DIAPH3: variants seen among roughly 807,000 people sequenced by gnomAD.
DIAPH3 encodes the protein protein diaphanous homolog 3.
DIAPH3 carries 117 observed loss-of-function variants against 144.3 expected under a neutral mutation model. The observed-to-expected ratio is 0.81, with a 90% CI of 0.70 to 0.95. The LOEUF (loss-of-function observed/expected upper bound fraction) is 0.95, where lower values mean the gene tolerates loss of function less well. Ranked by LOEUF, DIAPH3 falls within the 40% of genes least tolerant of loss-of-function variation. The probability of loss-of-function intolerance (pLI) is 0.00; values close to 1 mark genes in which losing one functional copy is unlikely to be tolerated. For missense variants in DIAPH3, 1,421 were observed against 1,412.7 expected (o/e 1.01, Z -0.09); for synonymous variants, 519 against 488.9 (o/e 1.06, Z -0.81).
At chr13:60,032,314 G>T (rs1329943957) in intron 5 of DIAPH3, among the ~76,000 whole-genome samples, 1 of 152,202 alleles carries the variant, frequency 6.6e-6, no homozygotes, top group Non-Finnish European at 1.5e-5. Flanking sequence ...TCTGTAAGTG[G>T]TCCAACCCCA....
chr13:60,074,117 G>A (rs993420499), intron 4 of DIAPH3, among the ~76,000 whole-genome samples: 4 of 152,148 alleles, frequency 2.6e-5, no homozygotes, highest in African/African-American at 4.8e-5. Context: ...AGATGCTGAC[G>A]ACAATCCAGG....
chr13:59,702,947 G>A (rs956348680), intron 27 of DIAPH3, among the ~76,000 whole-genome samples: 3 of 152,060 alleles, frequency 2.0e-5, no homozygotes, highest in African/African-American at 7.3e-5. Context: ...TACCCTGTGG[G>A]GAAGCCTGCC....
chr13:60,039,041 G>A (rs2055438227), intron 5 of DIAPH3, among the ~76,000 whole-genome samples: 1 of 151,630 alleles, frequency 6.6e-6, no homozygotes, highest in Non-Finnish European at 1.5e-5. Context: ...GCTCAAAACT[G>A]TCACCGAGAA....
chr13:59,833,875 T>C (rs1356909520), intron 23 of DIAPH3, among the ~76,000 whole-genome samples: 1 of 151,554 alleles, frequency 6.6e-6, no homozygotes, highest in African/African-American at 2.4e-5. Flanking sequence ...ACAAAAATAC[T>C]TGTTATCATC....
At chr13:60,155,175 CAA>C (rs1405877965) in intron 1 of DIAPH3, among the ~76,000 whole-genome samples, 2 of 152,162 alleles carry the variant, frequency 1.3e-5, no homozygotes, top group Non-Finnish European at 2.9e-5. Context: ...GCAATTGCTA[CAA>C]GATAGACTAG....
chr13:59,690,221 C>T (rs2033435203), intron 27 of DIAPH3, among the ~76,000 whole-genome samples: 1 of 152,106 alleles, frequency 6.6e-6, no homozygotes, highest in Non-Finnish European at 1.5e-5. Flanking sequence ...TGATACACTG[C>T]ATTTTTATAG....
At chr13:59,688,301 C>T (rs944568353) in intron 27 of DIAPH3, among the ~76,000 whole-genome samples, 1 of 151,774 alleles carries the variant, frequency 6.6e-6, no homozygotes, top group Non-Finnish European at 1.5e-5. Context: ...TATTCTTTCC[C>T]CAAACATATT....
chr13:59,834,202 T>C (rs1414594839), intron 23 of DIAPH3, among the ~76,000 whole-genome samples: 3 of 151,692 alleles, frequency 2.0e-5, no homozygotes, highest in Non-Finnish European at 4.4e-5. Context: ...TTTTTTCTTG[T>C]GTGGCAAATT....
chr13:59,802,484 A>G (rs182316187), intron 25 of DIAPH3, among the ~76,000 whole-genome samples: 113 of 150,174 alleles, frequency 7.5e-4, no homozygotes, highest in African/African-American at 2.6e-3. Flanking sequence ...AATTTTATCA[A>G]AATAACAATA....
intron 9 of DIAPH3, among the ~76,000 whole-genome samples, chr13:60,002,576 C>T (rs1189800779): frequency 6.6e-6 from 1 of 152,212 alleles, no homozygotes; most frequent in Non-Finnish European, 1.5e-5. Flanking sequence ...AGAACTATGA[C>T]AGACTAACAT....
At chr13:59,874,036 T>C (rs1023815180) in intron 21 of DIAPH3, among the ~76,000 whole-genome samples, 2 of 152,190 alleles carry the variant, frequency 1.3e-5, no homozygotes, top group African/African-American at 4.8e-5. Context: ...TGGTGTTGGT[T>C]AATTTTCATT....
intron 14 of DIAPH3, among the ~76,000 whole-genome samples, chr13:59,978,382 C>T (rs768565760): frequency 1.2e-4 from 18 of 151,598 alleles, no homozygotes; most frequent in East Asian, 3.9e-4. Flanking sequence ...AAAAAAATTA[C>T]GTTCTTATGA....
intron 25 of DIAPH3, among the ~76,000 whole-genome samples, chr13:59,801,174 G>A (rs1021837364): frequency 1.3e-5 from 2 of 152,142 alleles, no homozygotes; most frequent in African/African-American, 4.8e-5. Context: ...CTGAAATGCA[G>A]CAAAAAGACT....
chr13:59,771,505 G>C lies in DIAPH3; in HGVS notation c.3319+2684C>G, dbSNP rs952526809. Among the ~76,000 whole-genome samples, 56 of 144,292 alleles carry C rather than the reference G, an allele frequency of 3.9e-4. 1 individual carries two copies. Among genetic ancestry groups the C allele is most frequent in the Non-Finnish European group, 1.5e-4 (10 of 64,542 alleles). The allele number at this position is 144,292 out of a possible 152,430, so 94.7% of individuals were successfully genotyped here. A position where few individuals can be genotyped will look rare whatever the true frequency, so the allele number is the denominator to read the frequency against. On this transcript the variant is annotated intron_variant, in intron 27 of 27. Coordinates refer to ENST00000400324, the MANE Select transcript of DIAPH3 (RefSeq NM_001042517.2). ...GCTAAATTTGGGAAGAAGAGATGAGGCACACCAGAGGCTGGAGAACCTCTG... is the reference window on the plus strand; with the variant it reads ...GCTAAATTTGGGAAGAAGAGATGAGCCACACCAGAGGCTGGAGAACCTCTG...
rs774924260 is a variant in DIAPH3, at chr13:59,992,536, A to G, written c.1062T>C (p.Asp354=). 12 of 1,612,288 alleles carry G rather than the reference A, an allele frequency of 7.4e-6. No homozygotes were observed. In the Admixed American group the frequency reaches 2.0e-4, roughly 27 times the overall value. The change falls in exon 10 of 28, where the codon GAT becomes GAC. Residue 354 remains aspartate (D), a synonymous_variant. Coordinates refer to ENST00000400324, the MANE Select transcript of DIAPH3 (RefSeq NM_001042517.2). ...TTCTGATGTGAAGCCTGAAATCCAA[A>G]TCATCAGGAGATGTAACCAGGGCAT... ...LINALVTSPD[D]LDFRLHIRNE...
chr13:59,965,198 T>C (rs564408356), intron 17 of DIAPH3, among the ~76,000 whole-genome samples: 1 of 152,150 alleles, frequency 6.6e-6, no homozygotes, highest in African/African-American at 2.4e-5. Context: ...AAGTGGATAA[T>C]CCATTAACTG....
chr13:59,801,137 A>G (rs1327574003), intron 25 of DIAPH3, among the ~76,000 whole-genome samples: 1 of 152,206 alleles, frequency 6.6e-6, no homozygotes, highest in Non-Finnish European at 1.5e-5. Flanking sequence ...ATTCAGCACT[A>G]ATAGAATCAT....
intron 21 of DIAPH3, among the ~76,000 whole-genome samples, chr13:59,862,424 A>G (rs575311125): frequency 6.6e-6 from 1 of 152,334 alleles, no homozygotes; most frequent in South Asian, 2.1e-4. Context: ...GAGTACTAAG[A>G]GAAGCATGAA....
chr13:59,742,715 AAAG>A lies in DIAPH3; in HGVS notation c.3319+31471_3319+31473del, dbSNP rs1211412984. ...AAGGGAGAAAGGGAGAAAGAAAAGA[AAAG>A]AAAGAAAAGAAAGAAGCAGATCAAG... On this transcript the variant is annotated intron_variant, in intron 27 of 27. Coordinates refer to ENST00000400324, the MANE Select transcript of DIAPH3 (RefSeq NM_001042517.2). Among the ~76,000 whole-genome samples, 8 of 135,968 alleles carry A rather than the reference AAAG, an allele frequency of 5.9e-5. No individual in the cohort carries two copies. In the East Asian group the frequency reaches 8.3e-4, roughly 14 times the overall value. The allele number at this position is 135,968 out of a possible 152,430, so 89.2% of individuals were successfully genotyped here. A position where few individuals can be genotyped will look rare whatever the true frequency, so the allele number is the denominator to read the frequency against.
Sources: allele counts gnomAD v4.1 joint callset (sites outside exome capture counted in the v4.1 genomes callset), GRCh38; gene constraint gnomAD v4.1.1; transcripts MANE v1.5; gene names NCBI Gene and HGNC (gene_info 2026-07-23, HGNC 2026-07-21).